Variants in WDFY1 observed in about 807,000 individuals in gnomAD.
WDFY1 encodes WD repeat and FYVE domain containing 1.
WDFY1 carries 32 observed loss-of-function variants against 56.4 expected under a neutral mutation model. The ratio of observed to expected loss-of-function variants is 0.57; its 90% CI spans 0.43 to 0.76. The LOEUF (loss-of-function observed/expected upper bound fraction) is 0.76. Ranked by LOEUF, WDFY1 falls within the 30% of genes least tolerant of loss-of-function variation. The probability of loss-of-function intolerance (pLI) is 0.00; values close to 1 mark genes in which losing one functional copy is unlikely to be tolerated. For missense variants in WDFY1, 480 were observed against 545.7 expected (o/e 0.88, Z 1.20); for synonymous variants, 192 against 197.3 (o/e 0.97, Z 0.23).
intron 8 of WDFY1, 105 bp from the exon 9 acceptor site, chr2:223,884,854 T>TTCG: frequency 1.2e-6 from 1 of 832,702 alleles, no homozygotes; most frequent in Admixed American, 3.9e-5. Context: ...AGTATTTCTT[T>TTCG]TCTTCTTTTT....
chr2:223,906,954 CCAT>C (rs58664272), intron 3 of WDFY1, among the ~76,000 whole-genome samples: 100,314 of 148,444 alleles, frequency 0.68, 34,107 homozygotes, highest in Admixed American at 0.75. Context: ...ATTACTACTA[CCAT>C]TATTATTATT....
intron 8 of WDFY1, 109 bp from the exon 9 acceptor site, chr2:223,884,858 T>TA: frequency 1.3e-6 from 1 of 779,352 alleles, no homozygotes; most frequent in African/African-American, 3.2e-5. Flanking sequence ...TTTCTTTTCT[T>TA]CTTTTTTTTT....
intron 1 of WDFY1, among the ~76,000 whole-genome samples, chr2:223,931,751 T>A (rs1694078362): frequency 6.6e-6 from 1 of 151,568 alleles, no homozygotes; most frequent in Non-Finnish European, 1.5e-5. Context: ...AGTGGCGTGA[T>A]CTCAGCTCAC....
At chr2:223,913,192 A>G (rs550278501) in intron 2 of WDFY1, among the ~76,000 whole-genome samples, 35 of 150,502 alleles carry the variant, frequency 2.3e-4, no homozygotes, top group Middle Eastern at 3.4e-3. Context: ...CAGCCTGGAC[A>G]ACACAGTGAA....
intron 3 of WDFY1, among the ~76,000 whole-genome samples, chr2:223,906,990 T>A (rs576223771): frequency 1.3e-5 from 2 of 151,364 alleles, no homozygotes; most frequent in African/African-American, 4.9e-5. Context: ...ATTATATTAT[T>A]TTGAGACAGA....
chr2:223,906,036 A>G, intron 3 of WDFY1, 35 bp from the exon 4 acceptor site: 2 of 1,471,476 alleles, frequency 1.4e-6, no homozygotes, highest in Non-Finnish European at 9.1e-7. Context: ...AAATTAAAAG[A>G]GTTATGGTTT....
intron 1 of WDFY1, among the ~76,000 whole-genome samples, chr2:223,921,470 A>ATC (rs1693883945): frequency 6.6e-6 from 1 of 152,250 alleles, no homozygotes; most frequent in Non-Finnish European, 1.5e-5. Flanking sequence ...AAAAAAAAAT[A>ATC]GAGAGGAAGA....
intron 2 of WDFY1, among the ~76,000 whole-genome samples, chr2:223,913,150 CAGG>C (rs1447529858): frequency 1.4e-5 from 2 of 141,682 alleles, no homozygotes; most frequent in African/African-American, 5.3e-5. Context: ...GAGGCCAAGG[CAGG>C]AGGATTGCTT....
At chr2:223,941,347 C>T (rs1267426864) in intron 1 of WDFY1, among the ~76,000 whole-genome samples, 1 of 152,170 alleles carries the variant, frequency 6.6e-6, no homozygotes, top group East Asian at 1.9e-4. Context: ...GCTATTGTCA[C>T]TGCCCACCTT....
In WDFY1 at chr2:223,895,642, TGA is replaced by T. The variant is rs150347314; in HGVS notation, c.599-14_599-13del. 0.015 allele frequency: 18,147 copies of T among 1,248,802 alleles called. No homozygotes were observed. Among genetic ancestry groups the T allele is most frequent in the South Asian group, 0.029 (1,658 of 58,074 alleles). 77.4% of individuals were successfully genotyped at this position (1,248,802 alleles called of 1,614,324 possible). ...GCAGGCGACACTACCTAGGGATTTG[TGA>T]GAGAGAGAGAGAGAGGGAGGCAGGG... is the stretch of plus-strand genomic sequence containing the variant. On this transcript the variant is annotated splice_polypyrimidine_tract_variant and intron_variant, in intron 6 of 11. Transcript: ENST00000233055.
chr2:223,944,190 C>T (rs1689362192), intron 1 of WDFY1, among the ~76,000 whole-genome samples: 1 of 152,158 alleles, frequency 6.6e-6, no homozygotes, highest in African/African-American at 2.4e-5. Context: ...TCCCTGAGTA[C>T]AGGGGGAGGA....
At chr2:223,928,581 T>C (rs1694022363) in intron 1 of WDFY1, among the ~76,000 whole-genome samples, 1 of 152,172 alleles carries the variant, frequency 6.6e-6, no homozygotes, top group Non-Finnish European at 1.5e-5. Flanking sequence ...TTTATGTGGT[T>C]TTCAAGAGTG....
intron 1 of WDFY1, among the ~76,000 whole-genome samples, chr2:223,944,941 G>A (rs1256864629): frequency 3.9e-5 from 6 of 152,164 alleles, no homozygotes; most frequent in African/African-American, 7.2e-5. Context: ...CGAGACCGGG[G>A]TCCCAGGCTG....
In WDFY1 at chr2:223,886,446, C is replaced by T. The variant is rs192410708; in HGVS notation, c.832-1697G>A. The stretch of plus-strand genomic sequence containing the variant: ...AAACCTGCTAAAAGCCTGTTTAGGC[C>T]GGGCGCAGTGGCTCACACCTGTAAT... On this transcript the variant is annotated intron_variant, in intron 8 of 11. Transcript: ENST00000233055. 1.4e-3 allele frequency among the ~76,000 whole-genome samples: 218 copies of T among 152,126 alleles called. 2 individuals are homozygous for T. The highest frequency in any genetic ancestry group is 6.8e-3 in the Middle Eastern group (2 of 294).
chr2:223,906,491 T>C (rs529188054), intron 3 of WDFY1, among the ~76,000 whole-genome samples: 2 of 152,300 alleles, frequency 1.3e-5, no homozygotes, highest in South Asian at 2.1e-4. Context: ...AATTTTGAGA[T>C]TGTGGGTGGT....
At chr2:223,938,275 C>T (rs1335163563) in intron 1 of WDFY1, among the ~76,000 whole-genome samples, 2 of 152,172 alleles carry the variant, frequency 1.3e-5, no homozygotes, top group African/African-American at 4.8e-5. Context: ...AGACAGTAGG[C>T]CTATAGCCTT....
At chr2:223,929,672 G>C (rs547432288) in intron 1 of WDFY1, among the ~76,000 whole-genome samples, 94 of 152,286 alleles carry the variant, frequency 6.2e-4, no homozygotes, top group African/African-American at 2.2e-3. Flanking sequence ...AAAGATTCAT[G>C]AAAAGCTTGT....
At chr2:223,929,278 C>T (rs1694038133) in intron 1 of WDFY1, among the ~76,000 whole-genome samples, 1 of 150,936 alleles carries the variant, frequency 6.6e-6, no homozygotes, top group South Asian at 2.1e-4. Flanking sequence ...ACCTCCGCCT[C>T]CCGGGTTCAA....
At chr2:223,940,237 T>C (rs564368277) in intron 1 of WDFY1, among the ~76,000 whole-genome samples, 3 of 152,304 alleles carry the variant, frequency 2.0e-5, no homozygotes, top group African/African-American at 7.2e-5. Flanking sequence ...GAGAATCGCT[T>C]GAACCTGGGA....
Sources: allele counts gnomAD v4.1 joint callset (sites outside exome capture counted in the v4.1 genomes callset), GRCh38; gene constraint gnomAD v4.1.1; transcripts MANE v1.5; gene names NCBI Gene and HGNC (gene_info 2026-07-23, HGNC 2026-07-21).